STK32B: variants seen among roughly 807,000 people sequenced by gnomAD.
STK32B encodes the protein serine/threonine-protein kinase 32B.
STK32B carries 43 observed loss-of-function variants against 52.6 expected under a neutral mutation model. That is an observed-to-expected ratio of 0.82 (90% CI 0.64 to 1.05). The LOEUF is 1.05. Among genes scored for constraint, STK32B ranks in the 50% least tolerant of loss-of-function variants. The pLI is 0.00. For synonymous variants in STK32B, 238 were observed against 204.3 expected, an observed-to-expected ratio of 1.17 and a Z score of -1.41; for missense variants, 621 against 534.6, an observed-to-expected ratio of 1.16 and a Z score of -1.59.
intron 1 of STK32B, among the ~76,000 whole-genome samples, chr4:5,095,742 C>T (rs59267052): frequency 0.024 from 3,670 of 152,252 alleles, 160 homozygotes; most frequent in African/African-American, 0.082. Flanking sequence ...TTGTCACCAC[C>T]GTCATGACTG....
At chr4:5,337,994 G>T (rs1425520438) in intron 4 of STK32B, among the ~76,000 whole-genome samples, 1 of 152,176 alleles carries the variant, frequency 6.6e-6, no homozygotes, top group Non-Finnish European at 1.5e-5. Context: ...CCTGGAGTTT[G>T]AAAGTGAAGG....
intron 1 of STK32B, 115 bp downstream of exon 1, chr4:5,052,030 C>A (rs952655715): frequency 6.6e-5 from 96 of 1,449,402 alleles, no homozygotes; most frequent in Non-Finnish European, 8.5e-5. Context: ...CCAGGCATGG[C>A]CACTTCGCCC....
chr4:5,193,817 G>A (rs943124707), intron 3 of STK32B, among the ~76,000 whole-genome samples: 2 of 152,250 alleles, frequency 1.3e-5, no homozygotes, highest in Non-Finnish European at 2.9e-5. Context: ...GCGTTTGCGG[G>A]ATGGTGGACA....
At chr4:5,191,341 C>A (rs1038197252) in intron 3 of STK32B, among the ~76,000 whole-genome samples, 1 of 151,946 alleles carries the variant, frequency 6.6e-6, no homozygotes, top group Non-Finnish European at 1.5e-5. Flanking sequence ...AGCTCTGCCT[C>A]CCGGGTTCAC....
intron 2 of STK32B, among the ~76,000 whole-genome samples, chr4:5,165,678 C>T (rs1718814163): frequency 6.6e-6 from 1 of 152,100 alleles, no homozygotes; most frequent in Non-Finnish European, 1.5e-5. Flanking sequence ...AGCCTGGTGC[C>T]CGGGCCTCCA....
At chr4:5,259,553 G>A (rs1289537308) in intron 3 of STK32B, among the ~76,000 whole-genome samples, 1 of 152,166 alleles carries the variant, frequency 6.6e-6, no homozygotes, top group African/African-American at 2.4e-5. Flanking sequence ...ACAGTACTGT[G>A]TCACACAGTT....
intron 2 of STK32B, among the ~76,000 whole-genome samples, chr4:5,159,583 A>G: frequency 8.0e-6 from 1 of 124,446 alleles, no homozygotes; most frequent in Non-Finnish European, 1.6e-5. Context: ...ATGAATATAT[A>G]TATGAATATA....
the STK32B span, among the ~76,000 whole-genome samples, chr4:5,038,069 T>A: frequency 3.9e-5 from 6 of 152,144 alleles, no homozygotes; most frequent in African/African-American, 1.4e-4. Flanking sequence ...TGACTCTCAG[T>A]TCTTAGAAAC....
At position 5,411,694 on chromosome 4, in the gene STK32B, A is replaced by G. The variant is rs370403973; in HGVS notation, c.473-5151A>G. On this transcript the variant is annotated intron_variant, in intron 5 of 11. Transcript: ENST00000282908. ...GAATACTGAGGCATGGCTGTAACTT[A>G]TTTGATTAAGTTTCAACATATGAAT... Among the ~76,000 whole-genome samples the G allele has an allele frequency of 2.0e-5, 3 of 152,118 alleles. No homozygotes were observed. The East Asian group carries it at 5.8e-4, about 29-fold the overall frequency.
intron 2 of STK32B, among the ~76,000 whole-genome samples, chr4:5,144,533 G>A (rs569428360): frequency 1.3e-5 from 2 of 152,230 alleles, no homozygotes; most frequent in East Asian, 3.9e-4. Flanking sequence ...GGGCTGTTGT[G>A]TATACTTAAG....
chr4:5,453,279 T>C lies in STK32B; in HGVS notation c.667-3528T>C, dbSNP rs2109135210. On this transcript the variant is annotated intron_variant, in intron 7 of 11. Coordinates refer to ENST00000282908, the MANE Select transcript of STK32B (RefSeq NM_018401.3). This position sits in a 1 kb window ranked among gnomAD's most constrained non-coding sequence, Gnocchi z 4.0. Reference sequence around the variant, plus strand: ...GTGGAGGTCCAGTGGAATAGCAGAATTGATGAGCACCTTGAATGACCAATA... The same window carrying C: ...GTGGAGGTCCAGTGGAATAGCAGAACTGATGAGCACCTTGAATGACCAATA... 6.6e-6 allele frequency among the ~76,000 whole-genome samples: 1 copy of C among 151,690 alleles called. No homozygotes were observed. Among genetic ancestry groups the C allele is most frequent in the South Asian group, 2.1e-4 (1 of 4,758 alleles).
chr4:5,112,422 C>T (rs534613376), intron 1 of STK32B, among the ~76,000 whole-genome samples: 2 of 152,204 alleles, frequency 1.3e-5, no homozygotes, highest in Admixed American at 6.5e-5. Context: ...CCTACAGGCT[C>T]GAGACCCAAG....
chr4:5,178,261 T>A (rs762117877), intron 3 of STK32B, among the ~76,000 whole-genome samples: 15 of 152,252 alleles, frequency 9.9e-5, no homozygotes, highest in Non-Finnish European at 2.2e-4. Flanking sequence ...CACCAAGGCT[T>A]GGGGCTTGCA....
chr4:5,133,322 T>G lies in STK32B; in HGVS notation c.53-6583T>G, dbSNP rs573310883. On this transcript the variant is annotated intron_variant, in intron 1 of 11. Coordinates refer to ENST00000282908, the MANE Select transcript of STK32B (RefSeq NM_018401.3). ...AAATATTTTTTGAATGAGTGACTAA[T>G]GGAAGCTTTTCATGATAGATGCCTG... Among the ~76,000 whole-genome samples, 3 of 152,346 alleles carry G rather than the reference T, an allele frequency of 2.0e-5. No individual in the cohort carries two copies. In the South Asian group the frequency reaches 6.2e-4, roughly 32 times the overall value.
At chr4:5,041,571 G>A in the STK32B span, among the ~76,000 whole-genome samples, 1 of 151,786 alleles carries the variant, frequency 6.6e-6, no homozygotes, top group Non-Finnish European at 1.5e-5. Flanking sequence ...GTTTTATAAT[G>A]CCAAGAAATG....
intron 3 of STK32B, among the ~76,000 whole-genome samples, chr4:5,193,278 C>T (rs1052434637): frequency 3.9e-5 from 6 of 152,174 alleles, no homozygotes; most frequent in Non-Finnish European, 7.3e-5. Context: ...TCTCCCTCGC[C>T]CCTCATCCTC....
At position 5,416,876 on chromosome 4, in the gene STK32B, G is replaced by A. The variant is rs374245288; in HGVS notation, c.504G>A (p.Ala168=). The A allele has an allele frequency of 4.0e-5, 65 of 1,613,786 alleles. 1 individual carries two copies. Among genetic ancestry groups the A allele is most frequent in the South Asian group, 3.7e-4 (34 of 90,968 alleles). ...TTCACATTACAGACTTCAACATAGC[G>A]ACGGTAGTGAAAGGAGCAGAAAGGG... ...GHVHITDFNI[A]TVVKGAERAS... is the part of the protein sequence containing the mutation. The change falls in exon 6 of 12, where the codon GCG becomes GCA. Residue 168 remains alanine (A), a synonymous_variant. Coordinates refer to ENST00000282908, the MANE Select transcript of STK32B (RefSeq NM_018401.3).
At chr4:5,410,921 T>C (rs1413194732) in intron 5 of STK32B, among the ~76,000 whole-genome samples, 1 of 152,168 alleles carries the variant, frequency 6.6e-6, no homozygotes, top group Non-Finnish European at 1.5e-5. Flanking sequence ...TGCTTCCAAG[T>C]TGATATCTTG....
the STK32B span, among the ~76,000 whole-genome samples, chr4:5,031,514 A>G: frequency 6.6e-6 from 1 of 151,798 alleles, no homozygotes; most frequent in African/African-American, 2.4e-5. Flanking sequence ...CGGGAGGATC[A>G]CCTGACTCCA....
Sources: gnomAD v4.1 joint callset for allele counts (sites outside exome capture counted in the v4.1 genomes callset) on GRCh38, gnomAD v4.1.1 for gene constraint, Gnocchi (gnomAD v3.1) non-coding constraint, MANE v1.5 for transcripts, NCBI Gene and HGNC (gene_info 2026-07-23, HGNC 2026-07-21) for gene names.